SYT14: variants seen among roughly 807,000 people sequenced by gnomAD.
SYT14 encodes the protein synaptotagmin-14.
SYT14 carries 32 observed loss-of-function variants against 74.2 expected under a neutral mutation model. That is an observed-to-expected ratio of 0.43 (90% CI 0.33 to 0.58). The LOEUF (loss-of-function observed/expected upper bound fraction) is 0.58. Ranked by LOEUF, SYT14 falls within the 20% of genes least tolerant of loss-of-function variation. The pLI, the probability that SYT14 is intolerant of heterozygous loss-of-function variation, is 0.05. For missense variants in SYT14, 791 were observed against 981.8 expected, an observed-to-expected ratio of 0.81 and a Z score of 2.60; for synonymous variants, 298 against 337.7, an observed-to-expected ratio of 0.88 and a Z score of 1.29.
At chr1:210,049,632 G>A (rs1479819177) in intron 5 of SYT14, among the ~76,000 whole-genome samples, 1 of 151,952 alleles carries the variant, frequency 6.6e-6, no homozygotes, top group East Asian at 1.9e-4. Flanking sequence ...CCCTCCCTGT[G>A]CCCATATGTT....
chr1:210,076,317 A>G (rs1228069688), intron 5 of SYT14, among the ~76,000 whole-genome samples: 2 of 152,222 alleles, frequency 1.3e-5, no homozygotes, highest in Non-Finnish European at 2.9e-5. Flanking sequence ...GAGCAGTATC[A>G]TATCAAAAAA....
rs1019686587 is a variant in SYT14 at position 210,019,020 on chromosome 1, C to T, written c.1096+1921C>T. On this transcript the variant is annotated intron_variant, in intron 4 of 9. Transcript: ENST00000637265. ...GCATGGTGGTGGGTGCTTATAATCC[C>T]AGCTACTTGGGAGGCTGAGGCAGGA... 6.7e-5 allele frequency among the ~76,000 whole-genome samples: 10 copies of T among 148,600 alleles called. No homozygotes were observed. The East Asian group carries it at 1.0e-3, about 15-fold the overall frequency.
At chr1:209,963,406 G>C (rs993388525) in intron 2 of SYT14, among the ~76,000 whole-genome samples, 1 of 152,080 alleles carries the variant, frequency 6.6e-6, no homozygotes, top group African/African-American at 2.4e-5. Flanking sequence ...AGGAGGGTAG[G>C]GAAGAGGGAA....
At chr1:210,059,343 AT>A (rs2081157435) in intron 5 of SYT14, among the ~76,000 whole-genome samples, 1 of 150,850 alleles carries the variant, frequency 6.6e-6, no homozygotes, top group South Asian at 2.1e-4. Flanking sequence ...AATTAATTTG[AT>A]GGCTAAGAGT....
chr1:210,017,784 A>G (rs2080216462), intron 4 of SYT14, among the ~76,000 whole-genome samples: 1 of 152,208 alleles, frequency 6.6e-6, no homozygotes, highest in African/African-American at 2.4e-5. Flanking sequence ...TTCAATATTC[A>G]TTAGCAGCTC....
intron 8 of SYT14, chr1:210,156,833 C>T (rs1281116094): frequency 1.2e-5 from 4 of 335,924 alleles, no homozygotes; most frequent in Admixed American, 2.7e-5. Context: ...GCTGGGACTA[C>T]AGGCACCCAC....
chr1:209,994,668 G>A (rs984169936), intron 2 of SYT14, among the ~76,000 whole-genome samples: 4 of 151,996 alleles, frequency 2.6e-5, no homozygotes, highest in African/African-American at 9.7e-5. Flanking sequence ...GACAGGAACC[G>A]TCACCAAAGC....
intron 7 of SYT14, among the ~76,000 whole-genome samples, chr1:210,117,211 G>T (rs2082378872): frequency 6.6e-6 from 1 of 151,962 alleles, no homozygotes; most frequent in African/African-American, 2.4e-5. Context: ...TATCTTTTAT[G>T]TTAATGGATT....
intron 5 of SYT14, among the ~76,000 whole-genome samples, chr1:210,069,629 TAA>T (rs1178935712): frequency 2.7e-5 from 4 of 147,456 alleles, no homozygotes; most frequent in African/African-American, 9.7e-5. Context: ...TGGTATTTGT[TAA>T]GTTATCTTTT....
At position 210,094,741 on chromosome 1, in the gene SYT14, C is replaced by T. The variant is rs1291371927; in HGVS notation, c.1584+148C>T. On this transcript the variant is annotated intron_variant, in intron 6 of 9. Coordinates refer to ENST00000637265, the Ensembl canonical transcript of SYT14. ...TATCCATCCTTAATCTAATCTTTATCCAACAAACTTATCAGGAATGTCCCA... is the reference window on the plus strand; with the variant it reads ...TATCCATCCTTAATCTAATCTTTATTCAACAAACTTATCAGGAATGTCCCA... The T allele has an allele frequency of 8.7e-6, 9 of 1,029,742 alleles. No homozygotes were observed. The African/African-American group carries it at 1.4e-4, about 16-fold the overall frequency. 63.8% of individuals were successfully genotyped at this position (1,029,742 alleles called of 1,614,324 possible). A position where few individuals can be genotyped will look rare whatever the true frequency, so the allele number is the denominator to read the frequency against.
At chr1:210,075,356 T>C (rs2102459818) in intron 5 of SYT14, among the ~76,000 whole-genome samples, 1 of 150,948 alleles carries the variant, frequency 6.6e-6, no homozygotes. Context: ...TTTTTTTTTT[T>C]TTTGAGACAG....
chr1:209,947,793 C>G lies in SYT14; in HGVS notation c.-533-4916C>G, dbSNP rs2078846069. On this transcript the variant is annotated intron_variant, in intron 1 of 9. Transcript: ENST00000637265. ...GCATTGCATGCTACAGAGAAATCTT[C>G]CATGAAAGAAAGAATCCATCAGTGT... is the stretch of plus-strand genomic sequence containing the variant. Among the ~76,000 whole-genome samples, 3 of 152,294 alleles carry G rather than the reference C, an allele frequency of 2.0e-5. No individual in the cohort carries two copies. In the South Asian group the frequency reaches 6.2e-4, roughly 32 times the overall value.
At chr1:210,067,125 C>T (rs181225572) in intron 5 of SYT14, among the ~76,000 whole-genome samples, 21 of 152,154 alleles carry the variant, frequency 1.4e-4, no homozygotes, top group East Asian at 3.9e-4. Flanking sequence ...GGTTTTGTTT[C>T]TGGACTGTCA....
At chr1:209,946,177 C>T (rs1016481) in intron 1 of SYT14, among the ~76,000 whole-genome samples, 19,466 of 152,068 alleles carry the variant, frequency 0.13, 3,872 homozygotes, top group African/African-American at 0.43. Flanking sequence ...CTTAGGCTTC[C>T]CTATTCCCTG....
exon 4 of SYT14, chr1:210,016,916 C>T (rs2080196183): frequency 3.2e-6 from 4 of 1,231,530 alleles, no homozygotes; most frequent in South Asian, 8.2e-5. Flanking sequence ...AGAAGACATA[C>T]ATCCAGCACC....
At chr1:209,984,378 A>G (rs1321822767) in intron 2 of SYT14, among the ~76,000 whole-genome samples, 1 of 152,176 alleles carries the variant, frequency 6.6e-6, no homozygotes, top group African/African-American at 2.4e-5. Context: ...ACAAGGTTCC[A>G]GAGTTTTGAA....
chr1:209,967,744 TA>T (rs1483697787), intron 2 of SYT14, among the ~76,000 whole-genome samples: 1 of 152,140 alleles, frequency 6.6e-6, no homozygotes, highest in East Asian at 1.9e-4. Context: ...TTCTTGGTGT[TA>T]AAGAGTTAGG....
exon 10 of SYT14, chr1:210,166,318 C>T (rs2083454804): frequency 6.6e-6 from 1 of 152,252 alleles, no homozygotes; most frequent in South Asian, 2.1e-4. Flanking sequence ...GTAATCCCAA[C>T]ACTTTGGGAG....
rs192730937 is a variant in SYT14, at chr1:210,043,407, A to C, written c.1312+22153A>C. Among the ~76,000 whole-genome samples, 690 of 148,954 alleles carry C rather than the reference A, an allele frequency of 4.6e-3. 9 individuals carry two copies. Among genetic ancestry groups the C allele is most frequent in the Middle Eastern group, 6.8e-3 (2 of 292 alleles). On this transcript the variant is annotated intron_variant, in intron 5 of 9. Transcript: ENST00000637265. ...TCCAACTCTCTAGTTCTAACATTCT[A>C]AAAAGTTTTGGAATCTTTGTTTTAC...
Sources: gnomAD v4.1 joint callset for allele counts (sites outside exome capture counted in the v4.1 genomes callset) on GRCh38, gnomAD v4.1.1 for gene constraint, MANE v1.5 for transcripts, NCBI Gene and HGNC (gene_info 2026-07-23, HGNC 2026-07-21) for gene names.